The following ZMIZ1 variants were observed in gnomAD, a reference collection of about 807,000 sequenced individuals.
ZMIZ1 encodes zinc finger MIZ-type containing 1.
In ZMIZ1, 17 loss-of-function variants were observed where a neutral mutation model predicts 113.9. The ratio of observed to expected loss-of-function variants is 0.15; its 90% CI spans 0.10 to 0.22. The LOEUF (loss-of-function observed/expected upper bound fraction) is 0.22, where lower values mean the gene tolerates loss of function less well. ZMIZ1 is among the 10% of genes least tolerant of loss of function. The probability of loss-of-function intolerance (pLI) is 1.00; values close to 1 mark genes in which losing one functional copy is unlikely to be tolerated. For missense variants in ZMIZ1, 1,059 were observed against 1,477.8 expected, an observed-to-expected ratio of 0.72 and a Z score of 4.65; for synonymous variants, 607 against 603.1, an observed-to-expected ratio of 1.01 and a Z score of -0.09.
chr10:79,262,196 C>T (rs187653254), intron 7 of ZMIZ1, among the ~76,000 whole-genome samples: 3 of 152,362 alleles, frequency 2.0e-5, no homozygotes, highest in Non-Finnish European at 2.9e-5. Context: ...CCCTTGGTCT[C>T]GAGCAGTGGT....
chr10:79,206,105 C>CAAAA (rs1848308117), intron 5 of ZMIZ1, among the ~76,000 whole-genome samples: 1 of 147,672 alleles, frequency 6.8e-6, no homozygotes, highest in African/African-American at 2.5e-5. Flanking sequence ...GAGACCCTGT[C>CAAAA]CAAAAAAAAA....
In ZMIZ1 at chr10:79,190,206, G is replaced by T. The variant is rs565514755; in HGVS notation, c.-49-11378G>T. On this transcript the variant is annotated intron_variant, in intron 4 of 24. Transcript: ENST00000334512. ...CCTACCCCACCCCAACCCCCAAGGC[G>T]GCTTGGAGCTCCCCAGGGCAGGCCC... Among the ~76,000 whole-genome samples, 3 of 152,308 alleles carry T rather than the reference G, an allele frequency of 2.0e-5. No homozygotes were observed. In the South Asian group the frequency reaches 6.2e-4, roughly 32 times the overall value.
At chr10:79,238,843 T>C (rs1448893688) in intron 7 of ZMIZ1, among the ~76,000 whole-genome samples, 1 of 152,236 alleles carries the variant, frequency 6.6e-6, no homozygotes, top group Non-Finnish European at 1.5e-5. Flanking sequence ...TTGTTAATAC[T>C]TGGAAAATGC....
chr10:79,210,464 C>A (rs966943245), intron 6 of ZMIZ1, among the ~76,000 whole-genome samples: 1 of 152,220 alleles, frequency 6.6e-6, no homozygotes, highest in African/African-American at 2.4e-5. Context: ...CACAAAGGAG[C>A]AAACAGGGAC....
chr10:79,305,133 G>T (rs1049380617), intron 19 of ZMIZ1, 31 bp from the exon 20 acceptor site: 3 of 1,613,648 alleles, frequency 1.9e-6, no homozygotes, highest in Non-Finnish European at 2.5e-6. Flanking sequence ...GACAGTCCTG[G>T]TCTCACCTGT....
chr10:79,284,937 C>A (rs1192577716), intron 8 of ZMIZ1, among the ~76,000 whole-genome samples: 1 of 152,216 alleles, frequency 6.6e-6, no homozygotes, highest in African/African-American at 2.4e-5. Flanking sequence ...TTCTCTGCAG[C>A]TGGGCTTTGA....
chr10:79,245,090 G>A (rs899750533), intron 7 of ZMIZ1, among the ~76,000 whole-genome samples: 1 of 152,134 alleles, frequency 6.6e-6, no homozygotes, highest in East Asian at 1.9e-4. Context: ...CCACCAAACG[G>A]CGATGCTTTG....
intron 5 of ZMIZ1, among the ~76,000 whole-genome samples, chr10:79,206,414 G>A (rs984151456): frequency 6.6e-6 from 1 of 152,176 alleles, no homozygotes; most frequent in Admixed American, 6.5e-5. Flanking sequence ...AGAACAACTC[G>A]GTTAGCAGGG....
At chr10:79,121,913 T>C (rs11002840) in intron 2 of ZMIZ1, among the ~76,000 whole-genome samples, 8,711 of 152,268 alleles carry the variant, frequency 0.057, 346 homozygotes, top group East Asian at 0.22. Flanking sequence ...CACCTGCATC[T>C]GTACCCAACA....
At chr10:79,085,736 C>T (rs1396539303) in intron 1 of ZMIZ1, among the ~76,000 whole-genome samples, 2 of 152,202 alleles carry the variant, frequency 1.3e-5, no homozygotes, top group African/African-American at 4.8e-5. Context: ...AAGCAAAAGC[C>T]CAAACCTTTT....
In ZMIZ1 at chr10:79,296,680, CG is replaced by C; in HGVS notation, c.1413+31del. ...TGAGTCCCAGCCTCGCCACCACCCA[CG>C]GGGCCCCTTCCCTCCTAACCACCTC... is the stretch of plus-strand genomic sequence containing the variant. On this transcript the variant is annotated intron_variant, in intron 13 of 24. Transcript: ENST00000334512. The surrounding 1 kb of genome is among the most constrained non-coding windows in gnomAD (Gnocchi z 4.1). The C allele has an allele frequency of 6.6e-7, 1 of 1,522,484 alleles. No homozygotes were observed. Among genetic ancestry groups the C allele is most frequent in the Non-Finnish European group, 8.8e-7 (1 of 1,133,972 alleles). The allele number at this position is 1,522,484 out of a possible 1,614,324, so 94.3% of individuals were successfully genotyped here.
chr10:79,095,105 G>A lies in ZMIZ1; in HGVS notation c.-336-23810G>A, dbSNP rs146792290. 2.4e-4 allele frequency among the ~76,000 whole-genome samples: 37 copies of A among 152,292 alleles called. No homozygotes were observed. The East Asian group carries it at 6.0e-3, about 25-fold the overall frequency. ...TCAGACCAGCCTAGGTTCATATCCTGTGTCTTCCACTTGTGGGACCTTGGG... is the reference window on the plus strand; with the variant it reads ...TCAGACCAGCCTAGGTTCATATCCTATGTCTTCCACTTGTGGGACCTTGGG... On this transcript the variant is annotated intron_variant, in intron 1 of 24. Transcript: ENST00000334512.
chr10:79,306,331 C>G lies in ZMIZ1; in HGVS notation c.2655C>G (p.Asp885Glu), dbSNP rs745403861. The G allele has an allele frequency of 1.8e-5, 29 of 1,610,186 alleles. No homozygotes were observed. Among genetic ancestry groups the G allele is most frequent in the Non-Finnish European group, 2.5e-5 (29 of 1,179,938 alleles). ...PPPPGGTNSN[D>E]YSSQGNNYQG... ...CCCCAGGGGGCACCAACTCCAACGACTACAGCAGCCAAGGTGGGTGATGCC... is the reference window on the plus strand; with the variant it reads ...CCCCAGGGGGCACCAACTCCAACGAGTACAGCAGCCAAGGTGGGTGATGCC... The change falls in exon 22 of 25, where the codon GAC (aspartate) becomes GAG (glutamate). Residue 885 changes from aspartate (D) to glutamate (E), a missense_variant. Physicochemically the swap from Asp to Glu is conservative, Grantham distance 45 (BLOSUM62 2). This residue lies in a region of ZMIZ1 where 225 missense variants were observed against 276.0 expected (regional missense o/e 0.82). Coordinates refer to ENST00000334512, the MANE Select transcript of ZMIZ1 (RefSeq NM_020338.4).
At chr10:79,151,311 T>G (rs1398525345) in intron 3 of ZMIZ1, among the ~76,000 whole-genome samples, 1 of 152,224 alleles carries the variant, frequency 6.6e-6, no homozygotes, top group African/African-American at 2.4e-5. Flanking sequence ...TCCTTAAGAT[T>G]TGGGGACACA....
At chr10:79,278,892 C>T (rs1016892135) in intron 8 of ZMIZ1, among the ~76,000 whole-genome samples, 1 of 152,254 alleles carries the variant, frequency 6.6e-6, no homozygotes, top group African/African-American at 2.4e-5. Context: ...CACATTTCCC[C>T]CTTTTCTATT....
chr10:79,299,006 G>A (rs745640105), intron 15 of ZMIZ1, 44 bp from the exon 16 acceptor site: 7 of 1,572,526 alleles, frequency 4.5e-6, no homozygotes, highest in Admixed American at 1.7e-5. Context: ...AGAACCCATG[G>A]CAGCTGAGGC....
At chr10:79,124,063 C>CA (rs1844414617) in intron 2 of ZMIZ1, among the ~76,000 whole-genome samples, 1 of 152,244 alleles carries the variant, frequency 6.6e-6, no homozygotes, top group African/African-American at 2.4e-5. Context: ...GAATCGTTTG[C>CA]AGCTCACTGC....
chr10:79,258,488 C>A (rs1851057040), intron 7 of ZMIZ1, among the ~76,000 whole-genome samples: 1 of 152,228 alleles, frequency 6.6e-6, no homozygotes, highest in Admixed American at 6.5e-5. Flanking sequence ...GCACATGTGG[C>A]CCCTGCCTCC....
chr10:79,281,967 T>C (rs1852766250), intron 8 of ZMIZ1, among the ~76,000 whole-genome samples: 1 of 152,238 alleles, frequency 6.6e-6, no homozygotes, highest in South Asian at 2.1e-4. Flanking sequence ...GGGTCATCTG[T>C]TCTGATCCAC....
Sources: gnomAD v4.1 joint callset for allele counts (sites outside exome capture counted in the v4.1 genomes callset) on GRCh38, gnomAD v4.1.1 for gene constraint, gnomAD v4.1.1 regional missense constraint, Gnocchi (gnomAD v3.1) non-coding constraint, MANE v1.5 for transcripts, NCBI Gene and HGNC (gene_info 2026-07-23, HGNC 2026-07-21) for gene names.